MYO16: variants seen among roughly 807,000 people sequenced by gnomAD.
MYO16 encodes myosin XVI.
MYO16 carries 94 observed loss-of-function variants against 205.3 expected under a neutral mutation model. That is an observed-to-expected ratio of 0.46 (90% CI 0.39 to 0.54). The LOEUF is 0.54. Ranked by LOEUF, MYO16 falls within the 20% of genes least tolerant of loss-of-function variation. The probability of loss-of-function intolerance (pLI) is 0.00; values close to 1 mark genes in which losing one functional copy is unlikely to be tolerated. For synonymous variants in MYO16, 988 were observed against 954.0 expected (o/e 1.04, Z -0.66); for missense variants, 2,315 against 2,387.5 (o/e 0.97, Z 0.63).
intron 4 of MYO16, among the ~76,000 whole-genome samples, chr13:108,779,139 C>T (rs1432280002): frequency 3.9e-5 from 6 of 152,110 alleles, no homozygotes; most frequent in Admixed American, 6.5e-5. Flanking sequence ...GTAATCCAAG[C>T]GGGGGTTTCC....
At chr13:108,639,819 G>A (rs2139375368) in intron 1 of MYO16, among the ~76,000 whole-genome samples, 1 of 152,302 alleles carries the variant, frequency 6.6e-6, no homozygotes, top group East Asian at 1.9e-4. Context: ...AAAACTGGAT[G>A]AATTTGAAAA....
At chr13:108,590,947 G>A in the MYO16 span, among the ~76,000 whole-genome samples, 1 of 152,238 alleles carries the variant, frequency 6.6e-6, no homozygotes, top group African/African-American at 2.4e-5. Context: ...GGTCATGGCA[G>A]TCCTAGGAAA....
intron 33 of MYO16, chr13:109,167,139 A>C (rs1878704285): frequency 6.6e-6 from 1 of 152,316 alleles, no homozygotes; most frequent in African/African-American, 2.4e-5. Context: ...CCCCAGATGG[A>C]GGCTGCAGTC....
intron 9 of MYO16, among the ~76,000 whole-genome samples, chr13:108,840,221 A>G (rs936879930): frequency 6.6e-6 from 1 of 152,184 alleles, no homozygotes; most frequent in Non-Finnish European, 1.5e-5. Flanking sequence ...ACTATAAAAC[A>G]TCATTATCCA....
intron 34 of MYO16, among the ~76,000 whole-genome samples, chr13:109,203,845 A>G (rs996071709): frequency 6.6e-6 from 1 of 152,188 alleles, no homozygotes; most frequent in Admixed American, 6.5e-5. Context: ...TAGGGCGCCC[A>G]TCACCCATGC....
At chr13:108,859,180 G>C (rs1386192203) in intron 11 of MYO16, among the ~76,000 whole-genome samples, 1 of 151,562 alleles carries the variant, frequency 6.6e-6, no homozygotes, top group Non-Finnish European at 1.5e-5. Flanking sequence ...TACAAACACA[G>C]ACTGTCTGTC....
chr13:109,112,425 A>C (rs1392189151), intron 28 of MYO16, among the ~76,000 whole-genome samples: 1 of 152,292 alleles, frequency 6.6e-6, no homozygotes, highest in South Asian at 2.1e-4. Flanking sequence ...TAATAAAATA[A>C]ATCAAATAGT....
chr13:109,188,350 C>CA (rs1256067703), intron 34 of MYO16, among the ~76,000 whole-genome samples: 1 of 152,160 alleles, frequency 6.6e-6, no homozygotes, highest in Non-Finnish European at 1.5e-5. Flanking sequence ...CTCCTCCCCA[C>CA]AAAAAATTCA....
At position 108,806,818 on chromosome 13, in the gene MYO16, C is replaced by A; in HGVS notation, c.867+14C>A. On this transcript the variant is annotated intron_variant, in intron 7 of 34. Transcript: ENST00000457511. Reference sequence around the variant, plus strand: ...AAATATGGCCAGGTAGAGTGATTTGCTGAATTCTTTAAAAAATAATTTTAT... The same window carrying A: ...AAATATGGCCAGGTAGAGTGATTTGATGAATTCTTTAAAAAATAATTTTAT... 1 of 1,466,336 alleles carries A rather than the reference C, an allele frequency of 6.8e-7. No individual in the cohort carries two copies. Among genetic ancestry groups the A allele is most frequent in the Non-Finnish European group, 9.1e-7 (1 of 1,102,552 alleles). 90.8% of individuals were successfully genotyped at this position (1,466,336 alleles called of 1,614,324 possible). A position where few individuals can be genotyped will look rare whatever the true frequency, so the allele number is the denominator to read the frequency against.
chr13:108,957,681 C>T lies in MYO16; in HGVS notation c.1926-7C>T, dbSNP rs1267623187. The T allele has an allele frequency of 2.5e-6, 4 of 1,597,010 alleles. No individual in the cohort carries two copies. In the African/African-American group the frequency reaches 5.4e-5, roughly 21 times the overall value. On this transcript the variant is annotated splice_region_variant and splice_polypyrimidine_tract_variant and intron_variant, in intron 16 of 34. Coordinates refer to ENST00000457511, the MANE Select transcript of MYO16 (RefSeq NM_001198950.3). Reference sequence around the variant, plus strand: ...GCGATAACGTTACGTGCCTTGTCTCCTAACAGGTATTTGAACCAGACCATA... The same window carrying T: ...GCGATAACGTTACGTGCCTTGTCTCTTAACAGGTATTTGAACCAGACCATA...
chr13:108,906,148 C>G (rs1251597028), intron 15 of MYO16, among the ~76,000 whole-genome samples: 5 of 152,084 alleles, frequency 3.3e-5, no homozygotes, highest in Non-Finnish European at 7.4e-5. Context: ...TCACTGTTTT[C>G]TTTTTCTTTC....
intron 4 of MYO16, among the ~76,000 whole-genome samples, chr13:108,736,703 G>T (rs545194268): frequency 6.6e-6 from 1 of 152,244 alleles, no homozygotes; most frequent in Admixed American, 6.5e-5. Context: ...GCTTGATGGG[G>T]ATGGCATTGA....
chr13:108,687,644 A>G (rs1157029685), intron 2 of MYO16, among the ~76,000 whole-genome samples: 1 of 152,248 alleles, frequency 6.6e-6, no homozygotes, highest in African/African-American at 2.4e-5. Context: ...AACTTGATGT[A>G]TTTGAACAAC....
At chr13:109,160,859 T>C (rs976345519) in intron 32 of MYO16, among the ~76,000 whole-genome samples, 1 of 152,212 alleles carries the variant, frequency 6.6e-6, no homozygotes, top group Non-Finnish European at 1.5e-5. Context: ...TCAGACTTAA[T>C]GCCATTGTCC....
At chr13:108,888,195 C>T (rs965012716) in intron 13 of MYO16, among the ~76,000 whole-genome samples, 177 bp from the exon 14 acceptor site, 5 of 152,154 alleles carry the variant, frequency 3.3e-5, no homozygotes, top group African/African-American at 9.7e-5. Flanking sequence ...GAAGTGTGAA[C>T]GGAGACCACA....
At chr13:109,120,216 T>G (rs1006152307) in intron 28 of MYO16, among the ~76,000 whole-genome samples, 154 bp from the exon 29 acceptor site, 2 of 152,230 alleles carry the variant, frequency 1.3e-5, no homozygotes, top group Non-Finnish European at 2.9e-5. Flanking sequence ...TTTGATTAAA[T>G]GTAATAGTGT....
intron 7 of MYO16, among the ~76,000 whole-genome samples, chr13:108,819,901 A>G (rs1034143119): frequency 1.3e-5 from 2 of 152,288 alleles, no homozygotes; most frequent in East Asian, 3.9e-4. Context: ...CTTTCGGGTT[A>G]TATTATGGCA....
chr13:108,938,486 G>A (rs1882585168), intron 16 of MYO16, among the ~76,000 whole-genome samples: 2 of 152,182 alleles, frequency 1.3e-5, no homozygotes. Flanking sequence ...AGAATCCAGT[G>A]GATGGCCACC....
At position 108,823,127 on chromosome 13, in the gene MYO16, A is replaced by G; in HGVS notation, c.946A>G (p.Ile316Val). The G allele has an allele frequency of 6.2e-7, 1 of 1,608,416 alleles. No homozygotes were observed. The highest frequency in any genetic ancestry group is 8.5e-7 in the Non-Finnish European group (1 of 1,178,874). Residue 316 changes from isoleucine to valine, a missense_variant and splice_region_variant, in exon 9 of 35, where the codon ATT becomes GTT. By Grantham distance (29) the Ile-to-Val change is conservative. Around this residue, in one of 3 missense-constraint regions of MYO16, gnomAD observed 1,213 missense variants for 1,274.4 expected, o/e 0.95. Coordinates refer to ENST00000457511, the MANE Select transcript of MYO16 (RefSeq NM_001198950.3). ...TTTTTCTTATTTTTTTCTTGTAGAT[A>G]TTGCTGCCTCTGAGTTTATTGAGGA... Reference protein sequence around the residue: ...VNCNEEKASDIAASEFIEEML... With the variant: ...VNCNEEKASDVAASEFIEEML...
Sources: gnomAD v4.1 joint callset for allele counts (sites outside exome capture counted in the v4.1 genomes callset) on GRCh38, gnomAD v4.1.1 for gene constraint, gnomAD v4.1.1 regional missense constraint, MANE v1.5 for transcripts, NCBI Gene and HGNC (gene_info 2026-07-23, HGNC 2026-07-21) for gene names.